The following RBM5 variants were observed in gnomAD, a reference collection of about 807,000 sequenced individuals.
RBM5 encodes RNA-binding protein 5.
A neutral mutation model predicts 124.6 loss-of-function variants in RBM5; 15 were observed. That is an observed-to-expected ratio of 0.12 (90% CI 0.08 to 0.19). The LOEUF is 0.19. RBM5 is among the 10% of genes least tolerant of loss of function. The probability of loss-of-function intolerance (pLI) is 1.00; values close to 1 mark genes in which losing one functional copy is unlikely to be tolerated. For synonymous variants in RBM5, 337 were observed against 361.2 expected (o/e 0.93, Z 0.76); for missense variants, 580 against 1,026.5 (o/e 0.57, Z 5.94).
intron 18 of RBM5, 83 bp downstream of exon 18, chr3:50,113,627 AT>A: frequency 7.1e-7 from 1 of 1,403,648 alleles, no homozygotes; most frequent in Non-Finnish European, 9.5e-7. Context: ...TGTCAGTATT[AT>A]TTGGATTCTT....
In RBM5 at chr3:50,118,734, T is replaced by G; in HGVS notation, c.*278T>G. 1 of 434,336 alleles carries G rather than the reference T, an allele frequency of 2.3e-6. No individual in the cohort carries two copies. Among genetic ancestry groups the G allele is most frequent in the East Asian group, 4.1e-5 (1 of 24,628 alleles). The allele number at this position is 434,336 out of a possible 1,614,324, so 26.9% of individuals were successfully genotyped here. On this transcript the variant is annotated 3_prime_UTR_variant, in exon 25 of 25. Coordinates refer to ENST00000347869, the MANE Select transcript of RBM5 (RefSeq NM_005778.4). ...GTGTACATAGTGTAATGTAGCGTGTTTACATGTGTAGCCTATGTTGTGGTC... is the reference window on the plus strand; with the variant it reads ...GTGTACATAGTGTAATGTAGCGTGTGTACATGTGTAGCCTATGTTGTGGTC...
intron 8 of RBM5, 25 bp from the exon 9 acceptor site, chr3:50,105,052 C>G (rs768135955): frequency 2.0e-6 from 3 of 1,507,006 alleles, no homozygotes; most frequent in Non-Finnish European, 2.8e-6. Context: ...TTGTTTGTCT[C>G]TAATTGGATC....
intron 10 of RBM5, 145 bp from the exon 11 acceptor site, chr3:50,106,622 T>C: frequency 1.6e-6 from 1 of 620,292 alleles, no homozygotes; most frequent in Non-Finnish European, 2.8e-6. Flanking sequence ...AGATATTCCT[T>C]TCTTGAGGTT....
chr3:50,099,909 A>T, intron 4 of RBM5, 73 bp from the exon 5 acceptor site: 3 of 1,304,508 alleles, frequency 2.3e-6, no homozygotes, highest in Non-Finnish European at 3.2e-6. Flanking sequence ...TAAACAGTTG[A>T]TGTAATTCCT....
chr3:50,106,682 G>C (rs914552323), intron 10 of RBM5, 85 bp from the exon 11 acceptor site: 1 of 986,238 alleles, frequency 1.0e-6, no homozygotes, highest in African/African-American at 1.6e-5. Context: ...TTTTTTAATA[G>C]AAAACTACTT....
At chr3:50,092,341 C>G (rs776009367) in intron 3 of RBM5, 133 bp downstream of exon 3, 1 of 932,042 alleles carries the variant, frequency 1.1e-6, no homozygotes, top group East Asian at 2.7e-5. Context: ...GCGGCCAGAT[C>G]ACTTGAGGTC....
intron 1 of RBM5, chr3:50,089,832 G>A (rs200048146): frequency 6.5e-6 from 1 of 154,458 alleles, no homozygotes; most frequent in African/African-American, 2.4e-5. Flanking sequence ...GGTGGTTATT[G>A]TTACCTAGGA....
rs554369650 is a variant in RBM5, at chr3:50,100,280, C to CT, written c.409+240dup. 0.033 allele frequency: 14,222 copies of CT among 428,724 alleles called. 37 individuals are homozygous for CT. The highest frequency in any genetic ancestry group is 0.068 in the South Asian group (1,837 of 26,894). 26.6% of individuals were successfully genotyped at this position (428,724 alleles called of 1,614,324 possible). On this transcript the variant is annotated intron_variant, in intron 5 of 24. Transcript: ENST00000347869. The surrounding 1 kb of genome is among the most constrained non-coding windows in gnomAD (Gnocchi z 5.1). ...TAGGTAAGTAATGATTTATAAACTCCTTTTTTTTTTTGACTATAGTCGGTT... is the reference window on the plus strand; with the variant it reads ...TAGGTAAGTAATGATTTATAAACTCCTTTTTTTTTTTTGACTATAGTCGGTT...
At chr3:50,092,953 T>TTC (rs2090732577) in intron 3 of RBM5, 1 of 208,048 alleles carries the variant, frequency 4.8e-6, no homozygotes, top group Non-Finnish European at 9.4e-6. Context: ...CTTTTTTTTT[T>TTC]TTTTTTTTTT....
In RBM5 at chr3:50,107,470, T is replaced by C. The variant is rs776743514; in HGVS notation, c.954-12T>C. The stretch of plus-strand genomic sequence containing the variant: ...GTGATAGAATCACATGATTGGATCT[T>C]TGTGGTTTCAGAGACTTGGTCCTCT... On this transcript the variant is annotated splice_polypyrimidine_tract_variant and intron_variant, in intron 11 of 24. Coordinates refer to ENST00000347869, the MANE Select transcript of RBM5 (RefSeq NM_005778.4). 3 of 1,564,678 alleles carry C rather than the reference T, an allele frequency of 1.9e-6. No homozygotes were observed. In the South Asian group the frequency reaches 3.3e-5, roughly 17 times the overall value.
chr3:50,105,314 A>AG (rs1023005355), intron 9 of RBM5, among the ~76,000 whole-genome samples, 172 bp downstream of exon 9: 10 of 152,174 alleles, frequency 6.6e-5, no homozygotes, highest in African/African-American at 2.4e-4. Context: ...CTCAAAAAAA[A>AG]AAAAAAATTG....
At chr3:50,112,013 C>T (rs1256090450) in intron 17 of RBM5, 10 of 151,310 alleles carry the variant, frequency 6.6e-5, no homozygotes. Context: ...CCTCTTCCAT[C>T]CACTTCTCTC....
intron 2 of RBM5, 33 bp downstream of exon 2, chr3:50,090,484 A>G (rs192934491): frequency 1.9e-6 from 3 of 1,611,904 alleles, no homozygotes; most frequent in East Asian, 2.2e-5. Flanking sequence ...TTTGATCTCA[A>G]CATTTCAGTG....
At chr3:50,111,839 A>G (rs1371281287) in intron 17 of RBM5, among the ~76,000 whole-genome samples, 1 of 152,144 alleles carries the variant, frequency 6.6e-6, no homozygotes, top group Non-Finnish European at 1.5e-5. Context: ...AGGGAAAAAC[A>G]ACTTTAACAC....
Position 50,090,363 on chromosome 3 carries a change from A to G in RBM5, c.-53-19A>G. 1 of 1,550,054 alleles carries G rather than the reference A, an allele frequency of 6.5e-7. No homozygotes were observed. The highest frequency in any genetic ancestry group is 8.9e-7 in the Non-Finnish European group (1 of 1,125,530). ...GTGATCTCTGAGATTTATAGCAATT[A>G]ATCTCTCTTGTCTCCTAGAAAAAAT... On this transcript the variant is annotated intron_variant, in intron 1 of 24. Coordinates refer to ENST00000347869, the MANE Select transcript of RBM5 (RefSeq NM_005778.4).
In RBM5 at chr3:50,117,458, C is replaced by G; in HGVS notation, c.2322+79C>G. Reference sequence around the variant, plus strand: ...AGATGAGATCAGAGCACTCATAGAGCCTGGGAGCCAGGAGCAGCTTTACCT... The same window carrying G: ...AGATGAGATCAGAGCACTCATAGAGGCTGGGAGCCAGGAGCAGCTTTACCT... On this transcript the variant is annotated intron_variant, in intron 24 of 24. Coordinates refer to ENST00000347869, the MANE Select transcript of RBM5 (RefSeq NM_005778.4). This position sits in a 1 kb window ranked among gnomAD's most constrained non-coding sequence, Gnocchi z 4.2. 6.4e-7 allele frequency: 1 copy of G among 1,572,954 alleles called. No homozygotes were observed. The highest frequency in any genetic ancestry group is 1.4e-5 in the African/African-American group (1 of 73,918).
At chr3:50,099,874 TAAAA>T in intron 4 of RBM5, 104 bp from the exon 5 acceptor site, 3 of 797,152 alleles carry the variant, frequency 3.8e-6, no homozygotes, top group Non-Finnish European at 5.4e-6. Flanking sequence ...ACTCCCATCT[TAAAA>T]AAAAAAAAAA....
intron 7 of RBM5, among the ~76,000 whole-genome samples, chr3:50,103,989 G>C (rs1240094359): frequency 1.3e-5 from 2 of 152,200 alleles, no homozygotes; most frequent in Admixed American, 6.5e-5. Context: ...TTGCTGTAGA[G>C]TTTTCAAATT....
At chr3:50,096,899 G>A (rs1432789485) in intron 4 of RBM5, among the ~76,000 whole-genome samples, 1 of 152,052 alleles carries the variant, frequency 6.6e-6, no homozygotes, top group African/African-American at 2.4e-5. Flanking sequence ...GGAAAACTAA[G>A]GGAATGGTGT....
Sources: allele counts gnomAD v4.1 joint callset (sites outside exome capture counted in the v4.1 genomes callset), GRCh38; gene constraint gnomAD v4.1.1; non-coding constraint Gnocchi (gnomAD v3.1); transcripts MANE v1.5; gene names NCBI Gene and HGNC (gene_info 2026-07-23, HGNC 2026-07-21).